Variants in ZNF107 observed in about 807,000 individuals in gnomAD.
ZNF107 encodes C2H2 type zinc-finger protein.
In ZNF107, 19 loss-of-function variants were observed where a neutral mutation model predicts 12.3. The observed-to-expected ratio is 1.55, with a 90% CI of 1.08 to 2.27. ZNF107 has a LOEUF of 2.27. ZNF107 is among the 30% of genes most tolerant of loss of function. The probability of loss-of-function intolerance (pLI) is 0.00; values close to 1 mark genes in which losing one functional copy is unlikely to be tolerated. For synonymous variants in ZNF107, 317 were observed against 330.5 expected, an observed-to-expected ratio of 0.96 and a Z score of 0.44; for missense variants, 958 against 979.9, an observed-to-expected ratio of 0.98 and a Z score of 0.30.
intron 1 of ZNF107, among the ~76,000 whole-genome samples, chr7:64,680,460 C>T (rs115271929): frequency 0.018 from 2,745 of 152,232 alleles, 71 homozygotes; most frequent in African/African-American, 0.062. Context: ...GGAGGTCCCC[C>T]GTGAGGACCC....
At chr7:64,666,348 T>C in intron 1 of ZNF107, 63 bp downstream of exon 1, 2 of 1,581,330 alleles carry the variant, frequency 1.3e-6, no homozygotes, top group Non-Finnish European at 1.7e-6. Context: ...CGATCGGAAG[T>C]GGCTGTGGCT....
At chr7:64,692,676 G>T (rs1790154567) in intron 3 of ZNF107, among the ~76,000 whole-genome samples, 2 of 151,806 alleles carry the variant, frequency 1.3e-5, no homozygotes, top group Non-Finnish European at 2.9e-5. Flanking sequence ...AAATTTATTT[G>T]TGTCTTCTCT....
At chr7:64,681,488 C>G (rs567594940) in intron 1 of ZNF107, among the ~76,000 whole-genome samples, 5 of 152,166 alleles carry the variant, frequency 3.3e-5, no homozygotes, top group African/African-American at 7.2e-5. Flanking sequence ...GCTACAGCCA[C>G]ACCTCCTTGC....
chr7:64,671,329 C>T lies in ZNF107; in HGVS notation c.3+5044C>T, dbSNP rs572490129. Among the ~76,000 whole-genome samples, 184 of 152,318 alleles carry T rather than the reference C, an allele frequency of 1.2e-3. 2 individuals carry two copies. Among genetic ancestry groups the T allele is most frequent in the Non-Finnish European group, 2.0e-3 (134 of 68,028 alleles). On this transcript the variant is annotated intron_variant, in intron 1 of 3. Coordinates refer to ENST00000620827, the MANE Select transcript of ZNF107 (RefSeq NM_001282359.2). ...CCCATTATACATTGATGTGTCCACA[C>T]CCCTCCCAGGACTAGGCACCGCCCT... is the stretch of plus-strand genomic sequence containing the variant.
At chr7:64,691,484 C>A in intron 2 of ZNF107, 110 bp downstream of exon 2, 1 of 1,015,488 alleles carries the variant, frequency 9.8e-7, no homozygotes, top group Non-Finnish European at 1.3e-6. Context: ...AGTTTCAGAT[C>A]TCTGTTTTCA....
intron 1 of ZNF107, among the ~76,000 whole-genome samples, chr7:64,680,980 G>T (rs1291586761): frequency 6.6e-6 from 1 of 152,134 alleles, no homozygotes; most frequent in Non-Finnish European, 1.5e-5. Context: ...TAGTCACTGG[G>T]CCAAGGAATG....
intron 1 of ZNF107, among the ~76,000 whole-genome samples, chr7:64,687,996 G>A (rs974025262): frequency 6.6e-6 from 1 of 152,164 alleles, no homozygotes; most frequent in Non-Finnish European, 1.5e-5. Context: ...CAATTGTGCT[G>A]CAAAATGCAT....
chr7:64,692,631 T>G (rs1365566482), intron 3 of ZNF107, among the ~76,000 whole-genome samples: 1 of 152,140 alleles, frequency 6.6e-6, no homozygotes, highest in African/African-American at 2.4e-5. Context: ...TTTATCAATA[T>G]TTATTATTTC....
At position 64,708,461 on chromosome 7, in the gene ZNF107, C is replaced by G; in HGVS notation, c.2364C>G (p.Pro788=). The G allele has an allele frequency of 6.2e-7, 1 of 1,605,736 alleles. No homozygotes were observed. The highest frequency in any genetic ancestry group is 8.5e-7 in the Non-Finnish European group (1 of 1,174,316). The part of the protein sequence containing the change: ...THKKIHTSEK[P]YKCEECGKSF... Reference sequence around the variant, plus strand: ...AGAAAATTCATACTTCAGAGAAACCCTACAAATGTGAAGAATGTGGCAAAT... The same window carrying G: ...AGAAAATTCATACTTCAGAGAAACCGTACAAATGTGAAGAATGTGGCAAAT... The change falls in exon 4 of 4, where the codon CCC becomes CCG. Residue 788 remains proline, a synonymous_variant. Transcript: ENST00000620827.
intron 3 of ZNF107, among the ~76,000 whole-genome samples, chr7:64,693,918 A>G (rs1250620711): frequency 1.3e-5 from 2 of 152,102 alleles, no homozygotes; most frequent in Non-Finnish European, 2.9e-5. Context: ...TCTCCCAAGT[A>G]GCTGGGATTA....
chr7:64,677,629 G>A (rs1187032311), intron 1 of ZNF107, among the ~76,000 whole-genome samples: 13 of 151,332 alleles, frequency 8.6e-5, no homozygotes, highest in African/African-American at 4.8e-5. Context: ...CGAGGCGGGC[G>A]GATCATGAGA....
chr7:64,682,119 A>ATCT (rs55868916), intron 1 of ZNF107, among the ~76,000 whole-genome samples: 138,941 of 151,678 alleles, frequency 0.92, 63,682 homozygotes, highest in East Asian at 0.94. Flanking sequence ...TATGTCGATG[A>ATCT]TCTCTGCAGT....
chr7:64,684,793 C>T (rs1333579073), intron 1 of ZNF107: 1 of 920,470 alleles, frequency 1.1e-6, no homozygotes, highest in Non-Finnish European at 1.3e-6. Flanking sequence ...TACCTTCCTA[C>T]TCACTCTTTA....
Position 64,707,956 on chromosome 7 carries a change from C to G in ZNF107, c.1859C>G (p.Pro620Arg), listed in dbSNP as rs979428212. ...IHKIIHTGEK[P>R]YKCEEHGKVF... The stretch of plus-strand genomic sequence containing the variant: ...AAAATTATTCATACTGGAGAGAAAC[C>G]CTACAAATGTGAAGAACATGGCAAA... Residue 620 changes from proline to arginine, a missense_variant, in exon 4 of 4, where the codon CCC becomes CGC. Pro to Arg is a moderately radical substitution (Grantham distance 103). Transcript: ENST00000620827. The G allele has an allele frequency of 3.1e-6, 5 of 1,613,358 alleles. No individual in the cohort carries two copies. In the African/African-American group the frequency reaches 5.3e-5, roughly 17 times the overall value.
chr7:64,702,787 G>A (rs1005653416), intron 3 of ZNF107, among the ~76,000 whole-genome samples: 2 of 151,064 alleles, frequency 1.3e-5, no homozygotes, highest in African/African-American at 4.9e-5. Context: ...GAACTCTCCC[G>A]ACCTCAGGTG....
At chr7:64,702,552 AT>A (rs1790509829) in intron 3 of ZNF107, among the ~76,000 whole-genome samples, 1 of 151,348 alleles carries the variant, frequency 6.6e-6, no homozygotes, top group East Asian at 1.9e-4. Flanking sequence ...TTAATATTTC[AT>A]TTTTCATGTA....
chr7:64,682,456 C>T (rs2128959904), intron 1 of ZNF107, among the ~76,000 whole-genome samples: 1 of 152,198 alleles, frequency 6.6e-6, no homozygotes, highest in East Asian at 1.9e-4. Context: ...GACCCCAAAC[C>T]TTCCCTCATT....
intron 3 of ZNF107, among the ~76,000 whole-genome samples, chr7:64,704,469 C>T (rs879500032): frequency 6.6e-5 from 10 of 152,046 alleles, no homozygotes; most frequent in Non-Finnish European, 1.3e-4. Context: ...TGGTCTCAAT[C>T]TCTTGACCTT....
chr7:64,697,791 C>T (rs1273710543), intron 3 of ZNF107, among the ~76,000 whole-genome samples: 2 of 151,456 alleles, frequency 1.3e-5, no homozygotes, highest in Admixed American at 6.6e-5. Context: ...CCCGGGTTCA[C>T]GCCATTCTCC....
Sources: allele counts gnomAD v4.1 joint callset (sites outside exome capture counted in the v4.1 genomes callset), GRCh38; gene constraint gnomAD v4.1.1; transcripts MANE v1.5; gene names NCBI Gene and HGNC (gene_info 2026-07-23, HGNC 2026-07-21).